The following RRM2B variants were observed in gnomAD, a reference collection of about 807,000 sequenced individuals.
RRM2B encodes the protein ribonucleoside-diphosphate reductase subunit M2 B.
Under a neutral mutation model 45.9 loss-of-function variants are expected in RRM2B, and 20 were observed. The ratio of observed to expected loss-of-function variants is 0.44; its 90% CI spans 0.31 to 0.63. RRM2B has a LOEUF of 0.63. RRM2B is among the 30% of genes least tolerant of loss of function. The probability of loss-of-function intolerance (pLI) is 0.09; values close to 1 mark genes in which losing one functional copy is unlikely to be tolerated. For synonymous variants in RRM2B, 124 were observed against 132.3 expected (o/e 0.94, Z 0.43); for missense variants, 320 against 414.7 (o/e 0.77, Z 1.98).
intron 2 of RRM2B, among the ~76,000 whole-genome samples, chr8:102,230,421 T>C (rs939380972): frequency 1.3e-5 from 2 of 152,218 alleles, no homozygotes; most frequent in Non-Finnish European, 2.9e-5. Context: ...TCCAAATGAA[T>C]TTCAAGAATC....
At chr8:102,210,748 C>A (rs1039993005) in intron 8 of RRM2B, among the ~76,000 whole-genome samples, 3 of 152,048 alleles carry the variant, frequency 2.0e-5, no homozygotes, top group Non-Finnish European at 4.4e-5. Flanking sequence ...CAGGCATGAG[C>A]CACTGTGCCC....
Position 102,226,004 on chromosome 8 carries a change from T to C in RRM2B, c.235A>G (p.Asn79Asp), listed in dbSNP as rs753379929. 8.7e-6 allele frequency: 14 copies of C among 1,612,074 alleles called. No individual in the cohort carries two copies. The East Asian group carries it at 3.1e-4, about 36-fold the overall frequency. The change falls in exon 3 of 9, where the codon AAC (asparagine) becomes GAC (aspartate). Residue 79 changes from asparagine to aspartate, a missense_variant. Asn to Asp is a conservative substitution (Grantham distance 23). Transcript: ENST00000251810. ...VDLSKDLPHW[N>D]KLKADEKYFI... ...TACTTCTCATCTGCTTTAAGCTTGT[T>C]CCAGTGAGGGAGATCCTTTGATAAG...
At chr8:102,219,374 T>C (rs1314874091) in intron 5 of RRM2B, among the ~76,000 whole-genome samples, 1 of 152,226 alleles carries the variant, frequency 6.6e-6, no homozygotes, top group Non-Finnish European at 1.5e-5. Flanking sequence ...CTTAAGTTTA[T>C]ATTTTTAGAA....
chr8:102,214,472 G>A, intron 6 of RRM2B: 2 of 283,590 alleles, frequency 7.1e-6, no homozygotes, highest in Non-Finnish European at 1.4e-5. Context: ...AGCCTGAAAT[G>A]AAAATTCATT....
intron 2 of RRM2B, 46 bp downstream of exon 2, chr8:102,232,103 C>T (rs776395126): frequency 6.5e-7 from 1 of 1,547,374 alleles, no homozygotes. Flanking sequence ...CAAGAAGGAA[C>T]ACTGCACTAT....
At position 102,224,159 on chromosome 8, in the gene RRM2B, G is replaced by A. The variant is rs757780150; in HGVS notation, c.456-19C>T. On this transcript the variant is annotated intron_variant, in intron 4 of 8. Transcript: ENST00000251810. Reference sequence around the variant, plus strand: ...AAATTCCCTGTAAAAACAAAAGAATGAACAGCAAAGTTATTCACTTGTTTT... The same window carrying A: ...AAATTCCCTGTAAAAACAAAAGAATAAACAGCAAAGTTATTCACTTGTTTT... 4.2e-6 allele frequency: 6 copies of A among 1,441,888 alleles called. No homozygotes were observed. The highest frequency in any genetic ancestry group is 1.4e-5 in the African/African-American group (1 of 71,128). The allele number at this position is 1,441,888 out of a possible 1,614,324, so 89.3% of individuals were successfully genotyped here.
chr8:102,217,078 C>T (rs1810742821), intron 6 of RRM2B, among the ~76,000 whole-genome samples: 1 of 151,866 alleles, frequency 6.6e-6, no homozygotes, highest in Non-Finnish European at 1.5e-5. Flanking sequence ...AACAAAAAAC[C>T]TGGAAATAAT....
rs1433489877 is a variant in RRM2B, at chr8:102,206,149, A to C, written c.*1984T>G. 6.6e-6 allele frequency: 1 copy of C among 152,054 alleles called. No individual in the cohort carries two copies. The highest frequency in any genetic ancestry group is 2.4e-5 in the African/African-American group (1 of 41,418). The allele number at this position is 152,054 out of a possible 1,614,324, so 9.4% of individuals were successfully genotyped here. A position where few individuals can be genotyped will look rare whatever the true frequency, so the allele number is the denominator to read the frequency against. On this transcript the variant is annotated 3_prime_UTR_variant, in exon 9 of 9. Transcript: ENST00000251810. ...TCTATATTTTGATACTTTAATATAT[A>C]TATTTAAAGTATATTCAATTAATGA...
intron 6 of RRM2B, among the ~76,000 whole-genome samples, chr8:102,217,888 G>C (rs1464564264): frequency 6.6e-6 from 1 of 151,916 alleles, no homozygotes; most frequent in Non-Finnish European, 1.5e-5. Context: ...AGCAGGCAGA[G>C]GGAGACCAGG....
rs750767341 is a variant in RRM2B at position 102,224,904 on chromosome 8, TGTAA to T, written c.432_435del (p.Tyr145SerfsTer31). ...CAATACCTTTTCTTGGGATCTCTGA[TGTAA>T]GTGTCTATCAGCAAACTGTACATCT... On this transcript the variant is annotated frameshift_variant, in exon 4 of 9. Coordinates refer to ENST00000251810, the MANE Select transcript of RRM2B (RefSeq NM_015713.5). LOFTEE classifies it high-confidence loss of function. 4.3e-6 allele frequency: 7 copies of T among 1,614,014 alleles called. No homozygotes were observed. Among genetic ancestry groups the T allele is most frequent in the South Asian group, 1.1e-5 (1 of 91,074 alleles).
At position 102,232,281 on chromosome 8, in the gene RRM2B, T is replaced by C. The variant is rs887086434; in HGVS notation, c.72A>G (p.Glu24=). ...QDERSSSDTN[E]SEIKSNEEPL... ...GCTCTTCATTTGACTTTATTTCACTTTCGTTGGTGTCTGAAGATGATCTCT... is the reference window on the plus strand; with the variant it reads ...GCTCTTCATTTGACTTTATTTCACTCTCGTTGGTGTCTGAAGATGATCTCT... Residue 24 remains glutamate, a synonymous_variant, in exon 2 of 9, where the codon GAA becomes GAG. Transcript: ENST00000251810. 4 of 1,614,160 alleles carry C rather than the reference T, an allele frequency of 2.5e-6. No individual in the cohort carries two copies. The highest frequency in any genetic ancestry group is 1.6e-4 in the Middle Eastern group (1 of 6,062).
chr8:102,214,213 A>T, intron 6 of RRM2B, 55 bp from the exon 7 acceptor site: 1 of 1,175,562 alleles, frequency 8.5e-7, no homozygotes, highest in Non-Finnish European at 1.3e-6. Flanking sequence ...CTATTTGCAT[A>T]TGGTGATGGG....
intron 1 of RRM2B, among the ~76,000 whole-genome samples, chr8:102,234,271 A>T (rs1327890057): frequency 1.3e-5 from 2 of 152,214 alleles, no homozygotes; most frequent in East Asian, 3.8e-4. Context: ...TTGTATACAC[A>T]TTCTCCTGTT....
intron 4 of RRM2B, 22 bp downstream of exon 4, chr8:102,224,863 G>A (rs189643271): frequency 1.2e-6 from 2 of 1,610,102 alleles, no homozygotes; most frequent in Middle Eastern, 1.7e-4. Context: ...GCAATATTTT[G>A]TAAATAAAAT....
chr8:102,225,082 G>T, intron 3 of RRM2B, 64 bp from the exon 4 acceptor site: 1 of 1,555,452 alleles, frequency 6.4e-7, no homozygotes. Flanking sequence ...CTGCAAATCA[G>T]AATCTGGACA....
chr8:102,212,962 C>A (rs1810661193), intron 7 of RRM2B, 73 bp from the exon 8 acceptor site: 3 of 812,808 alleles, frequency 3.7e-6, no homozygotes, highest in Admixed American at 4.0e-5. Context: ...AGAAAGAGGA[C>A]TTTCGTTTTA....
chr8:102,238,702 C>T lies in RRM2B; in HGVS notation c.48+125G>A, dbSNP rs1037699. The T allele has an allele frequency of 0.074, 115,014 of 1,560,950 alleles. 4,566 individuals are homozygous for T. The highest frequency in any genetic ancestry group is 0.092 in the Middle Eastern group (549 of 5,994). ...TCGCAACGACGAAGCCAGGCTGCGGCGAGGGCGGGCGGACAGGCCTGTCCT... is the reference window on the plus strand; with the variant it reads ...TCGCAACGACGAAGCCAGGCTGCGGTGAGGGCGGGCGGACAGGCCTGTCCT... On this transcript the variant is annotated intron_variant, in intron 1 of 8. Coordinates refer to ENST00000251810, the MANE Select transcript of RRM2B (RefSeq NM_015713.5).
chr8:102,215,809 T>C (rs902276843), intron 6 of RRM2B, among the ~76,000 whole-genome samples: 1 of 151,402 alleles, frequency 6.6e-6, no homozygotes, highest in African/African-American at 2.4e-5. Flanking sequence ...CTGGATGTGG[T>C]GGTACATGCA....
At chr8:102,221,239 ATATTCT>A (rs1810830473) in intron 5 of RRM2B, among the ~76,000 whole-genome samples, 1 of 152,224 alleles carries the variant, frequency 6.6e-6, no homozygotes. Flanking sequence ...TTTTAAAGAA[ATATTCT>A]TAGTTTCTCT....
Sources: gnomAD v4.1 joint callset for allele counts (sites outside exome capture counted in the v4.1 genomes callset) on GRCh38, gnomAD v4.1.1 for gene constraint, MANE v1.5 for transcripts, NCBI Gene and HGNC (gene_info 2026-07-23, HGNC 2026-07-21) for gene names.